The following DCAKD variants were observed in gnomAD, a reference collection of about 807,000 sequenced individuals.
The protein encoded by DCAKD is dephospho-CoA kinase domain-containing protein.
In DCAKD, 15 loss-of-function variants were observed where a neutral mutation model predicts 18.7. The ratio of observed to expected loss-of-function variants is 0.80; its 90% CI spans 0.54 to 1.24. The LOEUF is 1.24. Ranked by LOEUF, DCAKD falls within the 50% of genes most tolerant of loss-of-function variation. The pLI, the probability that DCAKD is intolerant of heterozygous loss-of-function variation, is 0.00. For synonymous variants in DCAKD, 130 were observed against 133.0 expected, an observed-to-expected ratio of 0.98 and a Z score of 0.16; for missense variants, 301 against 322.0, an observed-to-expected ratio of 0.93 and a Z score of 0.50.
At chr17:45,054,051 C>A (rs777859779), upstream of DCAKD, 10 of 517,176 alleles carry the variant, frequency 1.9e-5, no homozygotes, top group Admixed American at 5.8e-5. Context: ...TCACCTGAGT[C>A]CCTGAAAGCT....
At chr17:45,028,293 G>A (rs1311307246) in intron 4 of DCAKD, among the ~76,000 whole-genome samples, 1 of 151,476 alleles carries the variant, frequency 6.6e-6, no homozygotes, top group Non-Finnish European at 1.5e-5. Context: ...TGTATTTTTA[G>A]TAGAGACAGG....
At chr17:45,052,706 AAC>A (rs2053732847), upstream of DCAKD, among the ~76,000 whole-genome samples, 6 of 151,858 alleles carry the variant, frequency 4.0e-5, no homozygotes, top group South Asian at 1.2e-3. Flanking sequence ...AAAAAAAAAA[AAC>A]AAAAAACAAA....
intron 1 of DCAKD, among the ~76,000 whole-genome samples, chr17:45,046,083 T>C (rs1298988051): frequency 7.9e-6 from 1 of 126,914 alleles, no homozygotes; most frequent in Non-Finnish European, 1.8e-5. Flanking sequence ...TGCCTCGGCC[T>C]CCCACAAGTG....
chr17:45,047,051 G>A (rs1327998905), intron 1 of DCAKD, among the ~76,000 whole-genome samples: 1 of 151,594 alleles, frequency 6.6e-6, no homozygotes, highest in East Asian at 1.9e-4. Context: ...AAGAACTGTG[G>A]ACTGACAGAT....
At chr17:45,034,518 G>A (rs1288132350) in intron 2 of DCAKD, 128 bp from the exon 3 acceptor site, 1 of 1,098,058 alleles carries the variant, frequency 9.1e-7, no homozygotes, top group Admixed American at 2.2e-5. Context: ...AGCAAAATGA[G>A]GGTAGAGAAA....
intron 4 of DCAKD, chr17:45,026,711 T>C (rs930046641): frequency 1.2e-5 from 12 of 985,270 alleles, no homozygotes; most frequent in African/African-American, 8.7e-5. Context: ...ATACGAGCTA[T>C]AGATTTCCTC....
At chr17:45,040,983 C>A (rs1360256674) in intron 1 of DCAKD, among the ~76,000 whole-genome samples, 3 of 152,084 alleles carry the variant, frequency 2.0e-5, no homozygotes, top group African/African-American at 7.2e-5. Context: ...CTAAATAAAG[C>A]CCTACTGCTC....
chr17:45,030,041 C>A (rs1188474212), intron 4 of DCAKD, 51 bp downstream of exon 4: 1 of 1,527,816 alleles, frequency 6.5e-7, no homozygotes, highest in South Asian at 1.1e-5. Context: ...GGGCTGTTTC[C>A]CAGATACCCC....
intron 3 of DCAKD, among the ~76,000 whole-genome samples, chr17:45,033,233 C>T (rs2053210367): frequency 6.6e-6 from 1 of 152,168 alleles, no homozygotes; most frequent in Non-Finnish European, 1.5e-5. Flanking sequence ...TGAACCATGG[C>T]ATATAGCTTG....
At chr17:45,034,587 T>TG (rs1435189617) in intron 2 of DCAKD, among the ~76,000 whole-genome samples, 187 bp downstream of exon 2, 3 of 152,032 alleles carry the variant, frequency 2.0e-5, no homozygotes, top group East Asian at 1.9e-4. Flanking sequence ...GGGGTACAGC[T>TG]GGGGGGTTTC....
At chr17:45,035,501 A>AAG (rs2053276723) in intron 1 of DCAKD, among the ~76,000 whole-genome samples, 1 of 151,162 alleles carries the variant, frequency 6.6e-6, no homozygotes, top group Non-Finnish European at 1.5e-5. Flanking sequence ...AAAAAAAAAA[A>AAG]AGCAAACGAA....
At chr17:45,056,167 AAAAAG>A (rs1389340454), upstream of DCAKD, among the ~76,000 whole-genome samples, 1 of 152,182 alleles carries the variant, frequency 6.6e-6, no homozygotes, top group African/African-American at 2.4e-5. Context: ...AAAAAAAAAA[AAAAAG>A]AAGGTTATCT....
At chr17:45,033,977 T>C (rs1186818748) in intron 3 of DCAKD, 7 of 1,585,174 alleles carry the variant, frequency 4.4e-6, no homozygotes, top group Admixed American at 3.4e-5. Context: ...TCTCTTCTCA[T>C]TAAACTGTCA....
rs536627765 is a variant in DCAKD, at chr17:45,028,046, G to A, written c.404+2046C>T. On this transcript the variant is annotated intron_variant, in intron 4 of 4. Coordinates refer to ENST00000651974, the MANE Select transcript of DCAKD (RefSeq NM_001288655.2). ...AGGACAAATGGCCAGAGGTGGGCGC[G>A]GGGTCATCTGGTGAATGCACATGCA... Among the ~76,000 whole-genome samples the A allele has an allele frequency of 4.0e-5, 6 of 150,982 alleles. No homozygotes were observed. The East Asian group carries it at 7.8e-4, about 20-fold the overall frequency.
chr17:45,054,338 C>G (rs938904891), upstream of DCAKD, among the ~76,000 whole-genome samples: 4 of 152,012 alleles, frequency 2.6e-5, no homozygotes, highest in Non-Finnish European at 4.4e-5. Flanking sequence ...ACCTCCGCCT[C>G]CCGGGTTCAA....
intron 4 of DCAKD, chr17:45,026,816 A>G (rs1245249109): frequency 2.6e-5 from 26 of 985,292 alleles, no homozygotes; most frequent in Non-Finnish European, 2.9e-5. Context: ...GAGACCACAT[A>G]TCTGTGGGTG....
rs139201378 is a variant in DCAKD at position 45,037,603 on chromosome 17, C to A, written c.-114-2604G>T. On this transcript the variant is annotated intron_variant, in intron 1 of 4. Transcript: ENST00000651974. Reference sequence around the variant, plus strand: ...ACTCCCAAGTAGTTGGGATTACATGCAGCCGTCACCATGCCCAGCTAATTT... The same window carrying A: ...ACTCCCAAGTAGTTGGGATTACATGAAGCCGTCACCATGCCCAGCTAATTT... 3.9e-5 allele frequency among the ~76,000 whole-genome samples: 6 copies of A among 151,926 alleles called. No homozygotes were observed. In the East Asian group the frequency reaches 1.2e-3, roughly 29 times the overall value.
At chr17:45,041,354 C>G (rs1442949350) in intron 1 of DCAKD, among the ~76,000 whole-genome samples, 1 of 151,204 alleles carries the variant, frequency 6.6e-6, no homozygotes, top group Non-Finnish European at 1.5e-5. Context: ...CTCTGTCGCC[C>G]AGGCTGGAGT....
At chr17:45,056,512 C>T (rs80322382), upstream of DCAKD, among the ~76,000 whole-genome samples, 4 of 152,144 alleles carry the variant, frequency 2.6e-5, no homozygotes, top group South Asian at 2.1e-4. Context: ...CTTGCTCTGT[C>T]GCCCAGGTTG....
Sources: allele counts gnomAD v4.1 joint callset (sites outside exome capture counted in the v4.1 genomes callset), GRCh38; gene constraint gnomAD v4.1.1; transcripts MANE v1.5; gene names NCBI Gene and HGNC (gene_info 2026-07-23, HGNC 2026-07-21).